EIF2A: variants seen among roughly 807,000 people sequenced by gnomAD.
The protein encoded by EIF2A is eukaryotic translation initiation factor 2A, also known as 65 kDa eukaryotic translation initiation factor 2A.
Under a neutral mutation model 75.2 loss-of-function variants are expected in EIF2A, and 62 were observed. The observed-to-expected ratio is 0.82, with a 90% CI of 0.67 to 1.02. The LOEUF (loss-of-function observed/expected upper bound fraction) is 1.02. Among genes scored for constraint, EIF2A ranks in the 50% least tolerant of loss-of-function variants. The pLI, the probability that EIF2A is intolerant of heterozygous loss-of-function variation, is 0.00. For synonymous variants in EIF2A, 207 were observed against 239.0 expected, an observed-to-expected ratio of 0.87 and a Z score of 1.23; for missense variants, 611 against 677.7, an observed-to-expected ratio of 0.90 and a Z score of 1.09.
In EIF2A at chr3:150,563,607, C is replaced by A; in HGVS notation, c.385C>A (p.Gln129Lys). The change falls in exon 5 of 14, where the codon CAA becomes AAA. Residue 129 changes from glutamine to lysine, a missense_variant. Gln to Lys is a moderately conservative substitution (Grantham distance 53, BLOSUM62 1). Transcript: ENST00000460851. ...CLKSFIQKKM[Q>K]NWCPSWSEDE... The stretch of plus-strand genomic sequence containing the variant: ...GAAATCTTTCATCCAGAAAAAAATG[C>A]AAAATTGGTAAATAAATGGCTTAAA... 6.5e-7 allele frequency: 1 copy of A among 1,528,106 alleles called. No homozygotes were observed. Among genetic ancestry groups the A allele is most frequent in the Non-Finnish European group, 8.8e-7 (1 of 1,139,690 alleles). The allele number at this position is 1,528,106 out of a possible 1,614,324, so 94.7% of individuals were successfully genotyped here.
In EIF2A at chr3:150,575,693, C is replaced by T. The variant is rs760566286; in HGVS notation, c.1428C>T (p.Asn476=). 29 of 1,612,802 alleles carry T rather than the reference C, an allele frequency of 1.8e-5. No individual in the cohort carries two copies. The African/African-American group carries it at 2.0e-4, about 11-fold the overall frequency. Reference sequence around the variant, plus strand: ...AGAATATGAAACCACAATCAGGAAACGATAAGCCATTATCAAAAACAGCTC... The same window carrying T: ...AGAATATGAAACCACAATCAGGAAATGATAAGCCATTATCAAAAACAGCTC... The part of the protein sequence containing the change: ...PPQNMKPQSG[N]DKPLSKTALK... Residue 476 remains asparagine, a synonymous_variant, in exon 11 of 14, where the codon AAC becomes AAT. Coordinates refer to ENST00000460851, the MANE Select transcript of EIF2A (RefSeq NM_032025.5).
At chr3:150,558,499 C>A in intron 3 of EIF2A, 37 bp downstream of exon 3, 1 of 1,411,772 alleles carries the variant, frequency 7.1e-7, no homozygotes, top group Non-Finnish European at 9.3e-7. Flanking sequence ...TTGTGTGTCA[C>A]GAATATAAAC....
At chr3:150,580,720 C>T (rs1725137899) in intron 11 of EIF2A, among the ~76,000 whole-genome samples, 1 of 152,168 alleles carries the variant, frequency 6.6e-6, no homozygotes, top group Non-Finnish European at 1.5e-5. Context: ...GCCAGCATCA[C>T]TACTCTGCAC....
chr3:150,547,722 T>C (rs80111762), intron 1 of EIF2A, among the ~76,000 whole-genome samples: 1 of 152,154 alleles, frequency 6.6e-6, no homozygotes, highest in Non-Finnish European at 1.5e-5. Flanking sequence ...ATTTTTGCAC[T>C]TTTTGCCAGT....
At chr3:150,551,614 G>A (rs1559873437) in intron 1 of EIF2A, among the ~76,000 whole-genome samples, 1 of 151,778 alleles carries the variant, frequency 6.6e-6, no homozygotes, top group Non-Finnish European at 1.5e-5. Context: ...TGTAGTCCCA[G>A]CTACTTGGGA....
In EIF2A at chr3:150,562,645, T is replaced by C. The variant is rs1207195912; in HGVS notation, c.277T>C (p.Trp93Arg). ...FSPKNTVLAT[W>R]QPYTTSKDGT... ...ACCCAAAAATACTGTCCTGGCAACGTGGCAGCCTTACACTAGTAAGTATTT... is the reference window on the plus strand; with the variant it reads ...ACCCAAAAATACTGTCCTGGCAACGCGGCAGCCTTACACTAGTAAGTATTT... Residue 93 changes from tryptophan to arginine, a missense_variant, in exon 4 of 14, where the codon TGG becomes CGG. Physicochemically the swap from Trp to Arg is moderately radical, Grantham distance 101. Transcript: ENST00000460851. 9.3e-6 allele frequency: 15 copies of C among 1,612,730 alleles called. No homozygotes were observed.
chr3:150,581,610 T>C lies in EIF2A; in HGVS notation c.1498-8T>C, dbSNP rs774113190. On this transcript the variant is annotated splice_polypyrimidine_tract_variant and splice_region_variant and intron_variant, in intron 11 of 13. Coordinates refer to ENST00000460851, the MANE Select transcript of EIF2A (RefSeq NM_032025.5). Reference sequence around the variant, plus strand: ...TTAAAATTGAATTTAAAAAAATATTTCCTGCAGGAAGCAAGAAGTGACAAG... The same window carrying C: ...TTAAAATTGAATTTAAAAAAATATTCCCTGCAGGAAGCAAGAAGTGACAAG... 1 of 1,549,084 alleles carries C rather than the reference T, an allele frequency of 6.5e-7. No individual in the cohort carries two copies. Among genetic ancestry groups the C allele is most frequent in the East Asian group, 2.4e-5 (1 of 40,904 alleles).
chr3:150,577,386 C>G (rs948590128), intron 11 of EIF2A, among the ~76,000 whole-genome samples: 1 of 152,042 alleles, frequency 6.6e-6, no homozygotes, highest in South Asian at 2.1e-4. Context: ...ACTCTGTTAT[C>G]TAGGCTGGAG....
At chr3:150,546,856 CTCTT>C (rs746700783) in intron 1 of EIF2A, 26 bp downstream of exon 1, 8 of 1,610,886 alleles carry the variant, frequency 5.0e-6, no homozygotes, top group Non-Finnish European at 5.9e-6. Context: ...GCGAGGGACT[CTCTT>C]TCTTCAGACT....
At position 150,562,676 on chromosome 3, in the gene EIF2A, G is replaced by T; in HGVS notation, c.292+16G>T. 2 of 1,584,324 alleles carry T rather than the reference G, an allele frequency of 1.3e-6. No homozygotes were observed. Among genetic ancestry groups the T allele is most frequent in the Admixed American group, 1.7e-5 (1 of 58,978 alleles). On this transcript the variant is annotated intron_variant, in intron 4 of 13. Transcript: ENST00000460851. Reference sequence around the variant, plus strand: ...CCTTACACTAGTAAGTATTTTCTCAGTGTAAAAATACTCTGACACGATCAA... The same window carrying T: ...CCTTACACTAGTAAGTATTTTCTCATTGTAAAAATACTCTGACACGATCAA...
chr3:150,579,890 T>TTATA (rs140026582), intron 11 of EIF2A, among the ~76,000 whole-genome samples: 4 of 151,824 alleles, frequency 2.6e-5, no homozygotes, highest in African/African-American at 9.7e-5. Context: ...ACCTGGAGCA[T>TTATA]TATATATATA....
intron 11 of EIF2A, among the ~76,000 whole-genome samples, chr3:150,579,475 C>T (rs1274268748): frequency 1.3e-5 from 2 of 151,972 alleles, no homozygotes; most frequent in Non-Finnish European, 2.9e-5. Context: ...TTTGGGAGGC[C>T]GAGGTGGGTG....
chr3:150,581,656 T>A lies in EIF2A; in HGVS notation c.1536T>A (p.Thr512=). The change falls in exon 12 of 14, where the codon ACT becomes ACA. Residue 512 remains threonine (T), a synonymous_variant. Coordinates refer to ENST00000460851, the MANE Select transcript of EIF2A (RefSeq NM_032025.5). The part of the protein sequence containing the change: ...RSDKSPDLAP[T]PAPQSTPRNT... Reference sequence around the variant, plus strand: ...ACAAGAGTCCAGATTTGGCACCTACTCCTGCCCCACAGAGCACACCACGAA... The same window carrying A: ...ACAAGAGTCCAGATTTGGCACCTACACCTGCCCCACAGAGCACACCACGAA... The A allele has an allele frequency of 6.4e-7, 1 of 1,551,954 alleles. No individual in the cohort carries two copies. The highest frequency in any genetic ancestry group is 8.7e-7 in the Non-Finnish European group (1 of 1,147,040).
chr3:150,551,855 A>G (rs1008039821), intron 1 of EIF2A, among the ~76,000 whole-genome samples: 1 of 152,206 alleles, frequency 6.6e-6, no homozygotes, highest in African/African-American at 2.4e-5. Flanking sequence ...TAATAAATGA[A>G]TATGTCTCAT....
At chr3:150,574,781 C>A (rs373557719) in intron 10 of EIF2A, among the ~76,000 whole-genome samples, 3 of 152,158 alleles carry the variant, frequency 2.0e-5, no homozygotes, top group Non-Finnish European at 4.4e-5. Context: ...AAGTAAAATG[C>A]GGATCTGAGA....
In EIF2A at chr3:150,572,334, C is replaced by A; in HGVS notation, c.1188C>A (p.Ile396=). ...AAATTTGGCATTATACTGGCTCTAT[C>A]TTGCACAAGTATGATGTGCCATCAA... ...GYKIWHYTGS[I]LHKYDVPSNA... is the part of the protein sequence containing the mutation. The change falls in exon 10 of 14, where the codon ATC becomes ATA. Residue 396 remains isoleucine, a synonymous_variant. Coordinates refer to ENST00000460851, the MANE Select transcript of EIF2A (RefSeq NM_032025.5). 6.2e-7 allele frequency: 1 copy of A among 1,613,986 alleles called. No homozygotes were observed. Among genetic ancestry groups the A allele is most frequent in the Non-Finnish European group, 8.5e-7 (1 of 1,179,884 alleles).
intron 6 of EIF2A, 155 bp from the exon 7 acceptor site, chr3:150,567,538 T>C: frequency 1.7e-6 from 1 of 583,692 alleles, no homozygotes; most frequent in Non-Finnish European, 3.0e-6. Flanking sequence ...TCCTACCCCA[T>C]GCTTTTTCCA....
chr3:150,562,583 C>G lies in EIF2A; in HGVS notation c.215C>G (p.Ser72Cys). The G allele has an allele frequency of 6.2e-7, 1 of 1,613,558 alleles. No homozygotes were observed. Among genetic ancestry groups the G allele is most frequent in the South Asian group, 1.1e-5 (1 of 91,034 alleles). The change falls in exon 4 of 14, where the codon TCC becomes TGC. Residue 72 changes from serine to cysteine, a missense_variant. Ser to Cys is a moderately radical substitution (Grantham distance 112, BLOSUM62 -1). Coordinates refer to ENST00000460851, the MANE Select transcript of EIF2A (RefSeq NM_032025.5). ...ISVTNKGLLH[S>C]FDLLKAVCLE... ...GTCACTAACAAGGGACTACTGCACT[C>G]CTTCGACCTCCTGAAGGCAGTTTGC...
At position 150,552,465 on chromosome 3, in the gene EIF2A, C is replaced by G. The variant is rs141413901; in HGVS notation, c.98+40C>G. 14 of 1,496,436 alleles carry G rather than the reference C, an allele frequency of 9.4e-6. No individual in the cohort carries two copies. The South Asian group carries it at 1.7e-4, about 19-fold the overall frequency. 92.7% of individuals were successfully genotyped at this position (1,496,436 alleles called of 1,614,324 possible). A position where few individuals can be genotyped will look rare whatever the true frequency, so the allele number is the denominator to read the frequency against. On this transcript the variant is annotated intron_variant, in intron 2 of 13. Coordinates refer to ENST00000460851, the MANE Select transcript of EIF2A (RefSeq NM_032025.5). ...GTTAAGTAATGTTATAGGGAACATACAGTACAATCTAAAATGGTTTTGTTG... is the reference window on the plus strand; with the variant it reads ...GTTAAGTAATGTTATAGGGAACATAGAGTACAATCTAAAATGGTTTTGTTG...
Sources: gnomAD v4.1 joint callset for allele counts (sites outside exome capture counted in the v4.1 genomes callset) on GRCh38, gnomAD v4.1.1 for gene constraint, MANE v1.5 for transcripts, NCBI Gene and HGNC (gene_info 2026-07-23, HGNC 2026-07-21) for gene names.